Variants in KCNQ3 observed in about 807,000 individuals in gnomAD.
KCNQ3 encodes potassium voltage-gated channel subfamily Q member 3, also known as potassium voltage-gated channel subfamily KQT member 3.
KCNQ3 carries 30 observed loss-of-function variants against 92.5 expected under a neutral mutation model. The ratio of observed to expected loss-of-function variants is 0.32; its 90% CI spans 0.24 to 0.44. The LOEUF (loss-of-function observed/expected upper bound fraction) is 0.44. Among genes scored for constraint, KCNQ3 ranks in the 20% least tolerant of loss-of-function variants. The probability of loss-of-function intolerance (pLI) is 1.00; values close to 1 mark genes in which losing one functional copy is unlikely to be tolerated. For synonymous variants in KCNQ3, 450 were observed against 468.8 expected (o/e 0.96, Z 0.52); for missense variants, 913 against 1,140.3 (o/e 0.80, Z 2.87).
At chr8:132,408,545 G>A (rs1245298033) in intron 1 of KCNQ3, among the ~76,000 whole-genome samples, 1 of 152,222 alleles carries the variant, frequency 6.6e-6, no homozygotes, top group Non-Finnish European at 1.5e-5. Flanking sequence ...GCCCTCCCAT[G>A]AAAGTGAGCA....
intron 1 of KCNQ3, among the ~76,000 whole-genome samples, chr8:132,265,454 G>A (rs528828409): frequency 6.6e-6 from 1 of 152,304 alleles, no homozygotes; most frequent in South Asian, 2.1e-4. Flanking sequence ...AAAAACCACG[G>A]CATTATTCAC....
At position 132,123,047 on chromosome 8, in the gene KCNQ3, C is replaced by T. The variant is rs1195046657; in HGVS notation, c.*6215G>A. 6.6e-6 allele frequency: 1 copy of T among 152,140 alleles called. No homozygotes were observed. Among genetic ancestry groups the T allele is most frequent in the Admixed American group, 6.5e-5 (1 of 15,270 alleles). 9.4% of individuals were successfully genotyped at this position (152,140 alleles called of 1,614,324 possible). A position where few individuals can be genotyped will look rare whatever the true frequency, so the allele number is the denominator to read the frequency against. ...CAAATGAGACCCAGAGATCCCAGTGCAAAGGGACACCTTTGGTAAAACTGG... is the reference window on the plus strand; with the variant it reads ...CAAATGAGACCCAGAGATCCCAGTGTAAAGGGACACCTTTGGTAAAACTGG... On this transcript the variant is annotated 3_prime_UTR_variant, in exon 15 of 15. Coordinates refer to ENST00000388996, the MANE Select transcript of KCNQ3 (RefSeq NM_004519.4).
Position 132,141,325 on chromosome 8 carries a change from C to G in KCNQ3, c.1269G>C (p.Lys423Asn). The change falls in exon 10 of 15, where the codon AAG becomes AAC. Residue 423 changes from lysine to asparagine, a missense_variant. Coordinates refer to ENST00000388996, the MANE Select transcript of KCNQ3 (RefSeq NM_004519.4). ...GGCGAACCCGATCCAAGAGACCCAG[C>G]TTTTGGCTACAAAATAAGCAAAAGT... Reference protein sequence around the residue: ...KEQLEAASSQKLGLLDRVRLS... With the variant: ...KEQLEAASSQNLGLLDRVRLS... The G allele has an allele frequency of 6.2e-7, 1 of 1,614,112 alleles. No individual in the cohort carries two copies. Among genetic ancestry groups the G allele is most frequent in the Non-Finnish European group, 8.5e-7 (1 of 1,180,020 alleles).
intron 1 of KCNQ3, among the ~76,000 whole-genome samples, chr8:132,367,752 A>G (rs1236899911): frequency 1.3e-5 from 2 of 152,170 alleles, no homozygotes. Context: ...CTTTCTGCTA[A>G]TATCTTTCTC....
At chr8:132,222,440 G>A (rs146881593) in intron 1 of KCNQ3, among the ~76,000 whole-genome samples, 1 of 152,282 alleles carries the variant, frequency 6.6e-6, no homozygotes, top group East Asian at 1.9e-4. Context: ...AGAAAATAAT[G>A]GATACTTGGC....
At chr8:132,272,125 T>G (rs576514504) in intron 1 of KCNQ3, among the ~76,000 whole-genome samples, 1 of 152,352 alleles carries the variant, frequency 6.6e-6, no homozygotes, top group Admixed American at 6.5e-5. Flanking sequence ...ACATGATGCT[T>G]AACCTCTCTG....
At chr8:132,331,523 C>T (rs1248616742) in intron 1 of KCNQ3, among the ~76,000 whole-genome samples, 1 of 152,166 alleles carries the variant, frequency 6.6e-6, no homozygotes, top group Non-Finnish European at 1.5e-5. Context: ...TAGGGAAAGT[C>T]ATAGCCTGGG....
At chr8:132,269,899 C>T (rs971756712) in intron 1 of KCNQ3, among the ~76,000 whole-genome samples, 3 of 152,124 alleles carry the variant, frequency 2.0e-5, no homozygotes, top group Non-Finnish European at 2.9e-5. Flanking sequence ...TGTCTTTTTG[C>T]ATTCAGCCAA....
At chr8:132,283,587 C>T (rs1413304013) in intron 1 of KCNQ3, among the ~76,000 whole-genome samples, 1 of 152,238 alleles carries the variant, frequency 6.6e-6, no homozygotes, top group Non-Finnish European at 1.5e-5. Flanking sequence ...GCATGACCAG[C>T]AGGCTGCTGC....
chr8:132,246,449 C>T (rs992587734), intron 1 of KCNQ3, among the ~76,000 whole-genome samples: 2 of 152,142 alleles, frequency 1.3e-5, no homozygotes, highest in Non-Finnish European at 2.9e-5. Context: ...CTGGAGTTTT[C>T]GTTTCTTTTA....
chr8:132,331,729 A>G, intron 1 of KCNQ3, among the ~76,000 whole-genome samples: 1 of 152,366 alleles, frequency 6.6e-6, no homozygotes, highest in Non-Finnish European at 1.5e-5. Flanking sequence ...ATAAATAAGT[A>G]AACAGGAAAA....
intron 1 of KCNQ3, among the ~76,000 whole-genome samples, chr8:132,303,655 A>G (rs1323849538): frequency 8.1e-5 from 2 of 24,766 alleles, no homozygotes; most frequent in African/African-American, 8.4e-4. Context: ...ATATATATTT[A>G]TGGTGTGTGT....
At chr8:132,257,890 T>A (rs1211610004) in intron 1 of KCNQ3, among the ~76,000 whole-genome samples, 1 of 151,374 alleles carries the variant, frequency 6.6e-6, no homozygotes, top group Non-Finnish European at 1.5e-5. Context: ...TCAAACAAAA[T>A]AGACTTAAAT....
rs542066862 is a variant in KCNQ3 at position 132,235,271 on chromosome 8, G to A, written c.387-49090C>T. On this transcript the variant is annotated intron_variant, in intron 1 of 14. Coordinates refer to ENST00000388996, the MANE Select transcript of KCNQ3 (RefSeq NM_004519.4). ...CCCAGGACTTTGGGAGGCCAAGGGT[G>A]GGGGGGGAATCACCTGAGGTCAGGA... is the stretch of plus-strand genomic sequence containing the variant. Among the ~76,000 whole-genome samples the A allele has an allele frequency of 4.3e-5, 4 of 93,486 alleles. No individual in the cohort carries two copies. The South Asian group carries it at 1.5e-3, about 34-fold the overall frequency. The allele number at this position is 93,486 out of a possible 152,430, so 61.3% of individuals were successfully genotyped here. A position where few individuals can be genotyped will look rare whatever the true frequency, so the allele number is the denominator to read the frequency against.
chr8:132,354,996 G>C (rs761920292), intron 1 of KCNQ3, among the ~76,000 whole-genome samples: 1 of 152,150 alleles, frequency 6.6e-6, no homozygotes, highest in Non-Finnish European at 1.5e-5. Context: ...TATAGCCCCA[G>C]AAAGCAGTCA....
intron 2 of KCNQ3, among the ~76,000 whole-genome samples, chr8:132,184,873 C>G (rs543256960): frequency 2.6e-5 from 4 of 152,154 alleles, no homozygotes; most frequent in Non-Finnish European, 4.4e-5. Flanking sequence ...TTTTGAGAAA[C>G]CAAGGCACAG....
At chr8:132,438,174 G>T (rs1821445185) in intron 1 of KCNQ3, among the ~76,000 whole-genome samples, 2 of 152,198 alleles carry the variant, frequency 1.3e-5, no homozygotes, top group Non-Finnish European at 2.9e-5. Flanking sequence ...CTATTATAAG[G>T]TGATTCTTCT....
chr8:132,406,760 A>T (rs1467929762), intron 1 of KCNQ3, among the ~76,000 whole-genome samples: 2 of 152,224 alleles, frequency 1.3e-5, no homozygotes, highest in Admixed American at 6.5e-5. Context: ...CAGAAACTAC[A>T]TTAAATATAC....
At chr8:132,227,251 G>A (rs1248665116) in intron 1 of KCNQ3, among the ~76,000 whole-genome samples, 1 of 151,798 alleles carries the variant, frequency 6.6e-6, no homozygotes, top group Non-Finnish European at 1.5e-5. Flanking sequence ...TAGTAGAGAC[G>A]GGGTTTCACC....
Sources: allele counts gnomAD v4.1 joint callset (sites outside exome capture counted in the v4.1 genomes callset), GRCh38; gene constraint gnomAD v4.1.1; transcripts MANE v1.5; gene names NCBI Gene and HGNC (gene_info 2026-07-23, HGNC 2026-07-21).